EDEM2: variants seen among roughly 807,000 people sequenced by gnomAD.
The protein encoded by EDEM2 is ER degradation-enhancing alpha-mannosidase-like protein 2.
A neutral mutation model predicts 64.8 loss-of-function variants in EDEM2; 39 were observed. The observed-to-expected ratio is 0.60, with a 90% CI of 0.47 to 0.79. The LOEUF is 0.79. Among genes scored for constraint, EDEM2 ranks in the 30% least tolerant of loss-of-function variants. The probability of loss-of-function intolerance (pLI) is 0.00; values close to 1 mark genes in which losing one functional copy is unlikely to be tolerated. For missense variants in EDEM2, 609 were observed against 731.3 expected (o/e 0.83, Z 1.93); for synonymous variants, 296 against 291.5 (o/e 1.02, Z -0.16).
Position 35,138,148 on chromosome 20 carries a change from AAAAC to A in EDEM2, c.365-147_365-144del, listed in dbSNP as rs562993760. 480 of 1,221,730 alleles carry A rather than the reference AAAAC, an allele frequency of 3.9e-4. No homozygotes were observed. In the Middle Eastern group the frequency reaches 0.014, roughly 34 times the overall value. 75.7% of individuals were successfully genotyped at this position (1,221,730 alleles called of 1,614,324 possible). On this transcript the variant is annotated intron_variant, in intron 4 of 10. Coordinates refer to ENST00000374492, the MANE Select transcript of EDEM2 (RefSeq NM_018217.3). ...ACCTCCTGAAGCTATTTCACGGGTA[AAAAC>A]AAACAAACAAAAACCTCACTCTGTT...
chr20:35,124,794 TA>T (rs1156974967), intron 8 of EDEM2, among the ~76,000 whole-genome samples: 1 of 152,250 alleles, frequency 6.6e-6, no homozygotes, highest in Non-Finnish European at 1.5e-5. Context: ...ATTATCTCCA[TA>T]TTTTTAGATA....
rs200475509 is a variant in EDEM2, at chr20:35,115,946, A to G, written c.1237-13T>C. The stretch of plus-strand genomic sequence containing the variant: ...GCAGATCTTTGATCTGACATGTGGG[A>G]GAAGGAAGCAAGCTGGAACACCATC... On this transcript the variant is annotated splice_polypyrimidine_tract_variant and intron_variant, in intron 10 of 10. Transcript: ENST00000374492. 5.2e-5 allele frequency: 84 copies of G among 1,609,450 alleles called. No homozygotes were observed. In the East Asian group the frequency reaches 1.7e-3, roughly 33 times the overall value.
chr20:35,125,363 TTTTTTA>T (rs1432471795), intron 8 of EDEM2, among the ~76,000 whole-genome samples: 3 of 151,732 alleles, frequency 2.0e-5, no homozygotes, highest in African/African-American at 7.2e-5. Flanking sequence ...CCTAGGCTAA[TTTTTTA>T]TTTTTATTTT....
chr20:35,144,968 G>A lies in EDEM2; in HGVS notation c.258+11C>T, dbSNP rs369627152. The A allele has an allele frequency of 1.2e-5, 20 of 1,613,658 alleles. No individual in the cohort carries two copies. Among genetic ancestry groups the A allele is most frequent in the Admixed American group, 3.3e-5 (2 of 59,974 alleles). On this transcript the variant is annotated intron_variant, in intron 3 of 10. Coordinates refer to ENST00000374492, the MANE Select transcript of EDEM2 (RefSeq NM_018217.3). ...ACAGTGGAAAGGAAAAGAAACAGAC[G>A]AGATACTTACCAGCAAGGTGTCCAG...
intron 9 of EDEM2, among the ~76,000 whole-genome samples, chr20:35,120,709 T>C (rs1226267532): frequency 6.6e-6 from 1 of 151,656 alleles, no homozygotes; most frequent in African/African-American, 2.4e-5. Context: ...GCAATTCTCC[T>C]GTCTCAGCCT....
rs115465165 is a variant in EDEM2, at chr20:35,124,018, A to G, written c.986T>C (p.Ile329Thr). 120 of 1,613,498 alleles carry G rather than the reference A, an allele frequency of 7.4e-5. No homozygotes were observed. In the African/African-American group the frequency reaches 1.5e-3, roughly 21 times the overall value. The change falls in exon 9 of 11, where the codon ATT (isoleucine) becomes ACT (threonine). Residue 329 changes from isoleucine (I) to threonine (T), a missense_variant. Transcript: ENST00000374492. ...WPGLQSLIGD[I>T]DNAMRTFLNY... is the part of the protein sequence containing the mutation. The stretch of plus-strand genomic sequence containing the variant: ...GAGGAAGGTCCTCATGGCATTGTCA[A>G]TGTCTCCAATGAGGCTCTGTGGGAG...
chr20:35,122,780 T>A (rs1390246303), intron 9 of EDEM2, among the ~76,000 whole-genome samples: 1 of 152,152 alleles, frequency 6.6e-6, no homozygotes, highest in Admixed American at 6.5e-5. Flanking sequence ...TTATTCCCTC[T>A]CCTGGTCCCC....
chr20:35,145,137 C>A, intron 2 of EDEM2, 119 bp from the exon 3 acceptor site: 1 of 945,936 alleles, frequency 1.1e-6, no homozygotes, highest in East Asian at 2.7e-5. Context: ...CTGCCTGTCC[C>A]ACTTACAGTC....
intron 10 of EDEM2, 21 bp from the exon 11 acceptor site, chr20:35,115,954 G>A (rs1406510258): frequency 1.2e-6 from 2 of 1,605,812 alleles, no homozygotes. Flanking sequence ...GGAGAAGGAA[G>A]CAAGCTGGAA....
In EDEM2 at chr20:35,117,279, T is replaced by C. The variant is rs200908813; in HGVS notation, c.1236+1319A>G. 8 of 152,226 alleles carry C rather than the reference T, an allele frequency of 5.3e-5. No homozygotes were observed. The East Asian group carries it at 1.5e-3, about 29-fold the overall frequency. The allele number at this position is 152,226 out of a possible 1,614,324, so 9.4% of individuals were successfully genotyped here. On this transcript the variant is annotated intron_variant, in intron 10 of 10. Transcript: ENST00000374492. ...TGACTAAGATTACTTGCTACAAACA[T>C]TTATTTTAGCTTCTCAGAATTAGTA...
In EDEM2 at chr20:35,115,596, C is replaced by T. The variant is rs769687955; in HGVS notation, c.1574G>A (p.Trp525Ter). Residue 525 changes from tryptophan (W) to a stop codon, truncating the protein, a stop_gained, in exon 11 of 11, where the codon TGG (tryptophan) becomes TAG (stop). Transcript: ENST00000374492. LOFTEE classifies it high-confidence loss of function. ...FQKNTVSSGP[W>*]EPPARPGTLF... Reference sequence around the variant, plus strand: ...TGTTCCTGGCCTTGCTGGAGGTTCCCATGGCCCCGAACTAACAGTGTTTTT... The same window carrying T: ...TGTTCCTGGCCTTGCTGGAGGTTCCTATGGCCCCGAACTAACAGTGTTTTT... 2 of 1,613,484 alleles carry T rather than the reference C, an allele frequency of 1.2e-6. No homozygotes were observed. Among genetic ancestry groups the T allele is most frequent in the East Asian group, 4.5e-5 (2 of 44,874 alleles).
At chr20:35,121,859 A>G (rs910104536) in intron 9 of EDEM2, among the ~76,000 whole-genome samples, 17 of 151,772 alleles carry the variant, frequency 1.1e-4, no homozygotes, top group South Asian at 4.2e-4. Flanking sequence ...CAGTGGCGCC[A>G]TCATGGCTCA....
rs140934096 is a variant in EDEM2, at chr20:35,124,755, C to A, written c.970-721G>T. Among the ~76,000 whole-genome samples, 123 of 152,142 alleles carry A rather than the reference C, an allele frequency of 8.1e-4. 1 individual carries two copies. The highest frequency in any genetic ancestry group is 2.8e-3 in the African/African-American group (115 of 41,506). On this transcript the variant is annotated intron_variant, in intron 8 of 10. Transcript: ENST00000374492. ...TTATTTTCCCCACACTAAAAAATAGCCTTTGGTTCTTTATTAATAGGGATA... is the reference window on the plus strand; with the variant it reads ...TTATTTTCCCCACACTAAAAAATAGACTTTGGTTCTTTATTAATAGGGATA...
At chr20:35,132,673 C>T (rs1054303376) in intron 6 of EDEM2, among the ~76,000 whole-genome samples, 5 of 152,094 alleles carry the variant, frequency 3.3e-5, no homozygotes, top group South Asian at 2.1e-4. Flanking sequence ...AACAAAGATA[C>T]GTATTTTTCT....
chr20:35,121,413 G>A (rs2085367014), intron 9 of EDEM2, among the ~76,000 whole-genome samples: 1 of 152,304 alleles, frequency 6.6e-6, no homozygotes, highest in South Asian at 2.1e-4. Flanking sequence ...GCGGAGCTCA[G>A]GCAGCAATGT....
chr20:35,119,200 CAG>C (rs2085341472), intron 9 of EDEM2, among the ~76,000 whole-genome samples: 1 of 152,156 alleles, frequency 6.6e-6, no homozygotes, highest in Admixed American at 6.6e-5. Flanking sequence ...TCCTGTCACT[CAG>C]AGTCTAACCT....
At chr20:35,127,631 C>T (rs2085451270) in intron 7 of EDEM2, among the ~76,000 whole-genome samples, 2 of 152,178 alleles carry the variant, frequency 1.3e-5, no homozygotes, top group South Asian at 4.1e-4. Context: ...TGAAACAGTC[C>T]ATGTTCAGAG....
intron 6 of EDEM2, 70 bp from the exon 7 acceptor site, chr20:35,131,853 A>C: frequency 6.4e-7 from 1 of 1,558,260 alleles, no homozygotes; most frequent in Non-Finnish European, 8.7e-7. Context: ...CTCACCCCCA[A>C]CCCTGACTGC....
intron 6 of EDEM2, among the ~76,000 whole-genome samples, chr20:35,133,628 G>A (rs1419683609): frequency 1.3e-5 from 2 of 152,028 alleles, no homozygotes; most frequent in Admixed American, 6.6e-5. Flanking sequence ...CACCACGCCC[G>A]GCTAATTTTG....
Sources: gnomAD v4.1 joint callset for allele counts (sites outside exome capture counted in the v4.1 genomes callset) on GRCh38, gnomAD v4.1.1 for gene constraint, MANE v1.5 for transcripts, NCBI Gene and HGNC (gene_info 2026-07-23, HGNC 2026-07-21) for gene names.